The following PANK2 variants were observed in gnomAD, a reference collection of about 807,000 sequenced individuals.
PANK2 encodes pantothenate kinase 2.
PANK2 carries 36 observed loss-of-function variants against 43.1 expected under a neutral mutation model. The ratio of observed to expected loss-of-function variants is 0.84; its 90% CI spans 0.64 to 1.10. The LOEUF is 1.10. PANK2 is among the 50% of genes least tolerant of loss of function. PANK2 has a pLI of 0.00. For synonymous variants in PANK2, 281 were observed against 238.2 expected, an observed-to-expected ratio of 1.18 and a Z score of -1.66; for missense variants, 576 against 593.3, an observed-to-expected ratio of 0.97 and a Z score of 0.30.
intron 2 of PANK2, among the ~76,000 whole-genome samples, chr20:3,909,888 G>A (rs1256665963): frequency 2.6e-5 from 4 of 152,162 alleles, no homozygotes; most frequent in South Asian, 2.1e-4. Flanking sequence ...CACCGTGCCC[G>A]GCCGATCCTC....
intron 4 of PANK2, among the ~76,000 whole-genome samples, chr20:3,913,721 TATA>T (rs1370403540): frequency 6.6e-6 from 1 of 151,704 alleles, no homozygotes; most frequent in Non-Finnish European, 1.5e-5. Flanking sequence ...ATTTTTTGGT[TATA>T]ATGTTGAACA....
chr20:3,888,940 ACCAGCGGCCAGACGCTGC>A, upstream of PANK2: 2 of 596,310 alleles, frequency 3.4e-6, no homozygotes, highest in Admixed American at 3.0e-5. Flanking sequence ...TCTGCCGACG[ACCAGCGGCCAGACGCTGC>A]GGGAGCACTG....
In PANK2 at chr20:3,900,535, A is replaced by G. The variant is rs6052156; in HGVS notation, c.299-7391A>G. ...CCATTTTCATCTTTCAAAGCATTCA[A>G]CTCCTCCTCATGGTGTGACTCCATT... On this transcript the variant is annotated intron_variant, in intron 1 of 6. Coordinates refer to ENST00000610179, the MANE Select transcript of PANK2 (RefSeq NM_001386393.1). 5.6e-3 allele frequency among the ~76,000 whole-genome samples: 848 copies of G among 150,584 alleles called. 9 individuals are homozygous for G. The highest frequency in any genetic ancestry group is 0.019 in the African/African-American group (783 of 41,048).
At chr20:3,916,033 T>G (rs2090554668) in intron 4 of PANK2, among the ~76,000 whole-genome samples, 1 of 152,242 alleles carries the variant, frequency 6.6e-6, no homozygotes, top group African/African-American at 2.4e-5. Context: ...TAATAGAGAT[T>G]ACATTGAATC....
chr20:3,916,929 T>C lies in PANK2; in HGVS notation c.1085T>C (p.Phe362Ser), dbSNP rs1291952379. 1 of 1,612,652 alleles carries C rather than the reference T, an allele frequency of 6.2e-7. No homozygotes were observed. The highest frequency in any genetic ancestry group is 8.5e-7 in the Non-Finnish European group (1 of 1,179,566). ...GGATTTTTTTTCCCCCATCACAGCT[T>C]TGGAAACATGATGAGCAAGGAGAAG... Residue 362 changes from phenylalanine (F) to serine (S), a missense_variant and splice_region_variant, in exon 5 of 7, where the codon TTT (phenylalanine) becomes TCT (serine). Around this residue, in one of 2 missense-constraint regions of PANK2, gnomAD observed 544 missense variants for 528.9 expected, o/e 1.03. Coordinates refer to ENST00000610179, the MANE Select transcript of PANK2 (RefSeq NM_001386393.1).
chr20:3,911,662 C>T (rs570122376), intron 3 of PANK2, among the ~76,000 whole-genome samples: 5 of 150,764 alleles, frequency 3.3e-5, no homozygotes, highest in Non-Finnish European at 7.4e-5. Flanking sequence ...GAGGCCGAGG[C>T]GGGTGGATCA....
rs536061032 is a variant in PANK2, at chr20:3,923,591, G to T, written c.*297G>T. 2.3e-4 allele frequency: 108 copies of T among 470,916 alleles called. 2 individuals are homozygous for T. The South Asian group carries it at 2.4e-3, about 11-fold the overall frequency. 29.2% of individuals were successfully genotyped at this position (470,916 alleles called of 1,614,324 possible). A position where few individuals can be genotyped will look rare whatever the true frequency, so the allele number is the denominator to read the frequency against. The stretch of plus-strand genomic sequence containing the variant: ...GAAATCTCTGCATCACTCATTGGAA[G>T]TGCTTCTGAAGAGAGCTGCTCTGTG... On this transcript the variant is annotated 3_prime_UTR_variant, in exon 7 of 7. Coordinates refer to ENST00000610179, the MANE Select transcript of PANK2 (RefSeq NM_001386393.1).
intron 1 of PANK2, among the ~76,000 whole-genome samples, chr20:3,898,872 GT>G (rs924904162): frequency 6.7e-6 from 1 of 150,338 alleles, no homozygotes. Flanking sequence ...GGTCTTGAGT[GT>G]TTTTTTTTGT....
At position 3,889,618 on chromosome 20, in the gene PANK2, C is replaced by G. The variant is rs977825428; in HGVS notation, c.188C>G (p.Pro63Arg). ...CGCCGGGCGAGCAGCGCGTCGGTGC[C>G]CGCGGTCGGGGCCTCGGCTGAGGGC... is the stretch of plus-strand genomic sequence containing the variant. The change falls in exon 1 of 7, where the codon CCC (proline) becomes CGC (arginine). Residue 63 changes from proline (P) to arginine (R), a missense_variant. This residue lies in a region of PANK2 where 544 missense variants were observed against 528.9 expected (regional missense o/e 1.03). Transcript: ENST00000610179. The G allele has an allele frequency of 1.9e-6, 3 of 1,542,014 alleles. No homozygotes were observed. Among genetic ancestry groups the G allele is most frequent in the African/African-American group, 1.4e-5 (1 of 70,852 alleles).
chr20:3,900,365 G>A (rs2090281736), intron 1 of PANK2, among the ~76,000 whole-genome samples: 1 of 151,744 alleles, frequency 6.6e-6, no homozygotes, highest in African/African-American at 2.4e-5. Flanking sequence ...TTTGCCAAAT[G>A]AAACACTGGT....
rs1441200673 is a variant in PANK2 at position 3,927,264 on chromosome 20, G to A, written c.*3970G>A. 6.6e-6 allele frequency: 1 copy of A among 152,202 alleles called. No homozygotes were observed. The highest frequency in any genetic ancestry group is 2.4e-5 in the African/African-American group (1 of 41,422). The allele number at this position is 152,202 out of a possible 1,614,324, so 9.4% of individuals were successfully genotyped here. The stretch of plus-strand genomic sequence containing the variant: ...AGTCTTGCTGAAGGTGCTTGCGTAA[G>A]TGGCACATGGATGTTCCCTCTGTTC... On this transcript the variant is annotated 3_prime_UTR_variant, in exon 7 of 7. Coordinates refer to ENST00000610179, the MANE Select transcript of PANK2 (RefSeq NM_001386393.1).
chr20:3,902,593 T>C (rs892725923), intron 1 of PANK2, among the ~76,000 whole-genome samples: 16 of 150,812 alleles, frequency 1.1e-4, no homozygotes, highest in Non-Finnish European at 2.1e-4. Context: ...TTTTTTTTTT[T>C]CTTTTAAAGT....
chr20:3,889,556 CG>C lies in PANK2; in HGVS notation c.130del (p.Asp44ThrfsTer51). The C allele has an allele frequency of 7.0e-7, 1 of 1,429,250 alleles. No homozygotes were observed. Among genetic ancestry groups the C allele is most frequent in the Non-Finnish European group, 9.1e-7 (1 of 1,102,526 alleles). The allele number at this position is 1,429,250 out of a possible 1,614,324, so 88.5% of individuals were successfully genotyped here. A position where few individuals can be genotyped will look rare whatever the true frequency, so the allele number is the denominator to read the frequency against. The stretch of plus-strand genomic sequence containing the variant: ...TCTCGTCGGCTGGGGAGCAGGCGGC[CG>C]GGGACCCCGAAGGGCGGCGGCAGGA... On this transcript the variant is annotated frameshift_variant, in exon 1 of 7. Transcript: ENST00000610179. LOFTEE classifies it high-confidence loss of function.
At position 3,923,362 on chromosome 20, in the gene PANK2, G is replaced by T; in HGVS notation, c.*68G>T. On this transcript the variant is annotated 3_prime_UTR_variant, in exon 7 of 7. Coordinates refer to ENST00000610179, the MANE Select transcript of PANK2 (RefSeq NM_001386393.1). Reference sequence around the variant, plus strand: ...TCTGTGGACTTTCATTTTTTTAAGAGACTTACTCAATTTCATGACTGTACT... The same window carrying T: ...TCTGTGGACTTTCATTTTTTTAAGATACTTACTCAATTTCATGACTGTACT... The T allele has an allele frequency of 6.6e-7, 1 of 1,508,928 alleles. No homozygotes were observed. The highest frequency in any genetic ancestry group is 9.2e-7 in the Non-Finnish European group (1 of 1,084,638). The allele number at this position is 1,508,928 out of a possible 1,614,324, so 93.5% of individuals were successfully genotyped here.
rs1181387675 is a variant in PANK2 at position 3,926,299 on chromosome 20, A to G, written c.*3005A>G. The G allele has an allele frequency of 3.3e-5, 5 of 152,346 alleles. No individual in the cohort carries two copies. Among genetic ancestry groups the G allele is most frequent in the Non-Finnish European group, 7.3e-5 (5 of 68,142 alleles). The allele number at this position is 152,346 out of a possible 1,614,324, so 9.4% of individuals were successfully genotyped here. On this transcript the variant is annotated 3_prime_UTR_variant, in exon 7 of 7. Transcript: ENST00000610179. ...TGAGTTCTAAGGTAGGGTGAGAAAA[A>G]TAACCGAGAGTTGAGCAGTGACGGA...
chr20:3,896,685 A>G (rs992439359), intron 1 of PANK2, among the ~76,000 whole-genome samples: 1 of 152,152 alleles, frequency 6.6e-6, no homozygotes, highest in Admixed American at 6.5e-5. Flanking sequence ...AGCCTCCATT[A>G]AAAACCCAGG....
intron 1 of PANK2, among the ~76,000 whole-genome samples, chr20:3,906,151 G>A (rs571796930): frequency 4.1e-4 from 62 of 152,126 alleles, no homozygotes; most frequent in African/African-American, 1.4e-3. Flanking sequence ...CAGGCTGGGC[G>A]CAGTGGTTCA....
At chr20:3,913,949 C>T (rs1418860984) in intron 4 of PANK2, among the ~76,000 whole-genome samples, 8 of 151,750 alleles carry the variant, frequency 5.3e-5, no homozygotes, top group East Asian at 1.9e-4. Flanking sequence ...CCACCACGCC[C>T]GGCTATTTTT....
chr20:3,922,214 T>C (rs564537885), intron 6 of PANK2, among the ~76,000 whole-genome samples: 57 of 152,358 alleles, frequency 3.7e-4, no homozygotes, highest in Non-Finnish European at 7.1e-4. Context: ...TAGTCTGATA[T>C]CTTACCTTAC....
Sources: gnomAD v4.1 joint callset for allele counts (sites outside exome capture counted in the v4.1 genomes callset) on GRCh38, gnomAD v4.1.1 for gene constraint, gnomAD v4.1.1 regional missense constraint, MANE v1.5 for transcripts, NCBI Gene and HGNC (gene_info 2026-07-23, HGNC 2026-07-21) for gene names.